Variants in PAK1 observed in about 807,000 individuals in gnomAD.
PAK1 encodes the protein serine/threonine-protein kinase PAK 1.
PAK1 carries 29 observed loss-of-function variants against 67.4 expected under a neutral mutation model. That is an observed-to-expected ratio of 0.43 (90% confidence interval 0.32 to 0.59). The LOEUF (loss-of-function observed/expected upper bound fraction) is 0.59. Ranked by LOEUF, PAK1 falls within the 20% of genes least tolerant of loss-of-function variation. The pLI is 0.07. For synonymous variants in PAK1, 223 were observed against 237.4 expected (o/e 0.94, Z 0.56); for missense variants, 337 against 670.7 (o/e 0.50, Z 5.50).
chr11:77,353,612 C>CA lies in PAK1; in HGVS notation c.773-14dup. On this transcript the variant is annotated splice_polypyrimidine_tract_variant and intron_variant, in intron 7 of 14. Transcript: ENST00000356341. Reference sequence around the variant, plus strand: ...CTCACTATGCTTCCTTTGAAAGAAACAGAGACCATGAATCATTTTTTCCCA... The same window carrying CA: ...CTCACTATGCTTCCTTTGAAAGAAACAAGAGACCATGAATCATTTTTTCCCA... 6.3e-7 allele frequency: 1 copy of CA among 1,592,782 alleles called. No individual in the cohort carries two copies. Among genetic ancestry groups the CA allele is most frequent in the Non-Finnish European group, 8.6e-7 (1 of 1,160,788 alleles).
At chr11:77,435,602 T>C (rs1356044868) in intron 1 of PAK1, among the ~76,000 whole-genome samples, 2 of 148,402 alleles carry the variant, frequency 1.3e-5, no homozygotes, top group African/African-American at 2.5e-5. Flanking sequence ...CACGCCATTC[T>C]CTTGCCTCAG....
At chr11:77,333,177 G>C (rs896696514) in intron 13 of PAK1, among the ~76,000 whole-genome samples, 1 of 151,556 alleles carries the variant, frequency 6.6e-6, no homozygotes, top group African/African-American at 2.4e-5. Context: ...CAGACCTAAG[G>C]GTTTATTCTT....
chr11:77,358,308 T>C (rs1012238267), intron 6 of PAK1, among the ~76,000 whole-genome samples: 1 of 151,656 alleles, frequency 6.6e-6, no homozygotes, highest in Non-Finnish European at 1.5e-5. Context: ...GCACAGGGAC[T>C]AGATGTTTCA....
At chr11:77,426,560 C>T (rs1453341) in intron 1 of PAK1, among the ~76,000 whole-genome samples, 10,396 of 152,120 alleles carry the variant, frequency 0.068, 811 homozygotes, top group East Asian at 0.25. Flanking sequence ...AAGGAGTTTT[C>T]CATGCTGCTC....
At chr11:77,388,642 C>T (rs971040706) in intron 2 of PAK1, among the ~76,000 whole-genome samples, 4 of 152,204 alleles carry the variant, frequency 2.6e-5, no homozygotes, top group African/African-American at 7.2e-5. Flanking sequence ...CATGAGCCAC[C>T]GTGCCTGGCC....
intron 9 of PAK1, among the ~76,000 whole-genome samples, chr11:77,348,973 A>C (rs1180295126): frequency 6.6e-6 from 1 of 151,944 alleles, no homozygotes; most frequent in Non-Finnish European, 1.5e-5. Context: ...AAAAATACAA[A>C]AATTAGCCAG....
upstream of PAK1, chr11:77,475,860 A>G (rs1367040199): frequency 2.0e-5 from 3 of 152,256 alleles, no homozygotes; most frequent in Admixed American, 2.0e-4. Flanking sequence ...ATACCTAAGT[A>G]TCAATATGTT....
chr11:77,463,370 A>C (rs1957450317), intron 1 of PAK1, among the ~76,000 whole-genome samples: 2 of 152,196 alleles, frequency 1.3e-5, no homozygotes, highest in African/African-American at 4.8e-5. Context: ...TTTTATTTAA[A>C]AAAAATTTTT....
intron 1 of PAK1, among the ~76,000 whole-genome samples, chr11:77,427,034 A>G (rs1955586769): frequency 6.6e-6 from 1 of 152,220 alleles, no homozygotes; most frequent in Non-Finnish European, 1.5e-5. Flanking sequence ...TGGGATCTAA[A>G]GAAATACAGA....
At chr11:77,477,102 A>G (rs1958068465), upstream of PAK1, 1 of 152,254 alleles carries the variant, frequency 6.6e-6, no homozygotes, top group African/African-American at 2.4e-5. Context: ...TGACTGCTCT[A>G]TGCTAGGAAT....
intron 1 of PAK1, among the ~76,000 whole-genome samples, chr11:77,444,635 T>C (rs1057327097): frequency 2.0e-5 from 3 of 152,198 alleles, no homozygotes; most frequent in African/African-American, 7.2e-5. Context: ...TTATATACCA[T>C]GCAATCAACA....
At chr11:77,328,669 C>T (rs1322693962) in intron 14 of PAK1, among the ~76,000 whole-genome samples, 1 of 151,998 alleles carries the variant, frequency 6.6e-6, no homozygotes, top group Non-Finnish European at 1.5e-5. Flanking sequence ...TAAATGCCCA[C>T]AAGAGAAAGC....
intron 14 of PAK1, chr11:77,325,254 C>G (rs1050765167): frequency 5.1e-6 from 8 of 1,578,086 alleles, no homozygotes; most frequent in Non-Finnish European, 6.9e-6. Flanking sequence ...ACTCTTTGAG[C>G]CTATTAAGAG....
the PAK1 span, among the ~76,000 whole-genome samples, chr11:77,504,516 C>G: frequency 6.6e-6 from 1 of 152,140 alleles, no homozygotes; most frequent in Non-Finnish European, 1.5e-5. Context: ...TTTGACACCA[C>G]ATTAAAACTT....
chr11:77,428,018 G>T (rs1955645650), intron 1 of PAK1, among the ~76,000 whole-genome samples: 1 of 152,198 alleles, frequency 6.6e-6, no homozygotes, highest in Non-Finnish European at 1.5e-5. Context: ...GATAGTTGGA[G>T]TGCACAGTAT....
At chr11:77,463,676 T>G (rs1380214019) in intron 1 of PAK1, among the ~76,000 whole-genome samples, 1 of 152,248 alleles carries the variant, frequency 6.6e-6, no homozygotes, top group African/African-American at 2.4e-5. Context: ...GAAGAGAGAC[T>G]TTGGCAATTA....
At chr11:77,334,627 A>C (rs1375296615) in intron 13 of PAK1, among the ~76,000 whole-genome samples, 1 of 152,234 alleles carries the variant, frequency 6.6e-6, no homozygotes, top group Admixed American at 6.5e-5. Context: ...TTACTTCAGT[A>C]CTTGATCGAA....
At chr11:77,333,194 CTTTTTTTTTTT>C (rs886805892) in intron 13 of PAK1, among the ~76,000 whole-genome samples, 6 of 127,150 alleles carry the variant, frequency 4.7e-5, no homozygotes, top group Admixed American at 8.0e-5. Context: ...TCTTCTTCTT[CTTTTTTTTTTT>C]TTTTTTTTTT....
At chr11:77,519,104 G>A in the PAK1 span, among the ~76,000 whole-genome samples, 1 of 151,950 alleles carries the variant, frequency 6.6e-6, no homozygotes, top group Non-Finnish European at 1.5e-5. Flanking sequence ...TGGTATCATC[G>A]AATTCTTAGA....
Sources: allele counts gnomAD v4.1 joint callset (sites outside exome capture counted in the v4.1 genomes callset), GRCh38; gene constraint gnomAD v4.1.1; transcripts MANE v1.5; gene names NCBI Gene and HGNC (gene_info 2026-07-23, HGNC 2026-07-21).